Variants in VTI1A observed in about 807,000 individuals in gnomAD.
VTI1A encodes vesicle transport through interaction with t-SNAREs homolog 1A.
A neutral mutation model predicts 34.9 loss-of-function variants in VTI1A; 22 were observed. The ratio of observed to expected loss-of-function variants is 0.63; its 90% CI spans 0.45 to 0.90. The LOEUF (loss-of-function observed/expected upper bound fraction) is 0.90, where lower values mean the gene tolerates loss of function less well. Ranked by LOEUF, VTI1A falls within the 40% of genes least tolerant of loss-of-function variation. The pLI is 0.00. For missense variants in VTI1A, 268 were observed against 275.6 expected (o/e 0.97, Z 0.20); for synonymous variants, 87 against 97.3 (o/e 0.89, Z 0.62).
intron 2 of VTI1A, 143 bp from the exon 3 acceptor site, chr10:112,464,404 G>A (rs1847829733): frequency 1.5e-6 from 1 of 658,612 alleles, no homozygotes; most frequent in Non-Finnish European, 2.6e-6. Flanking sequence ...AGTAGTTTCA[G>A]TGTTATTTGA....
the VTI1A span, among the ~76,000 whole-genome samples, chr10:112,845,336 A>G: frequency 0.036 from 5,481 of 152,274 alleles, 186 homozygotes; most frequent in African/African-American, 0.091. Flanking sequence ...TGGGGGCAGC[A>G]CATTCTCCCA....
intron 3 of VTI1A, among the ~76,000 whole-genome samples, chr10:112,523,516 CTT>C (rs1156785029): frequency 2.6e-5 from 4 of 151,978 alleles, no homozygotes; most frequent in African/African-American, 9.7e-5. Flanking sequence ...AAGAAGTAAA[CTT>C]TACACAAACA....
chr10:112,612,225 T>C (rs921771169), intron 5 of VTI1A, among the ~76,000 whole-genome samples: 1 of 152,172 alleles, frequency 6.6e-6, no homozygotes, highest in Non-Finnish European at 1.5e-5. Context: ...TCTGGTCAGA[T>C]AGTGATTTGT....
intron 5 of VTI1A, among the ~76,000 whole-genome samples, chr10:112,561,931 A>G (rs928050735): frequency 6.6e-6 from 1 of 152,198 alleles, no homozygotes; most frequent in Non-Finnish European, 1.5e-5. Context: ...TCACTCCCCC[A>G]AAATTAAAAA....
intron 3 of VTI1A, among the ~76,000 whole-genome samples, chr10:112,468,596 C>G (rs1418213831): frequency 6.6e-6 from 1 of 152,126 alleles, no homozygotes; most frequent in African/African-American, 2.4e-5. Flanking sequence ...ACTCGTTTGT[C>G]CACTTGCTTT....
intron 7 of VTI1A, among the ~76,000 whole-genome samples, chr10:112,811,712 A>AAAAAAAACAT (rs67154330): frequency 1.2e-5 from 1 of 84,066 alleles, no homozygotes; most frequent in Admixed American, 1.4e-4. Flanking sequence ...AAAAAAAAAA[A>AAAAAAAACAT]GAGTGCAGTC....
chr10:112,838,912 T>C, the VTI1A span, among the ~76,000 whole-genome samples: 1 of 152,212 alleles, frequency 6.6e-6, no homozygotes, highest in African/African-American at 2.4e-5. Context: ...TTTGCAGGGT[T>C]GCCATCACCA....
the VTI1A span, among the ~76,000 whole-genome samples, chr10:112,839,355 TG>T: frequency 1.3e-5 from 2 of 152,142 alleles, no homozygotes; most frequent in Non-Finnish European, 2.9e-5. Context: ...GCTGCTGAGC[TG>T]GAGGAGGTGA....
intron 7 of VTI1A, among the ~76,000 whole-genome samples, chr10:112,724,472 C>G (rs1254723937): frequency 2.0e-5 from 3 of 151,998 alleles, no homozygotes; most frequent in Non-Finnish European, 4.4e-5. Context: ...CTTGCCTCTT[C>G]CAGGGTAGAT....
At chr10:112,634,696 T>C (rs1457508247) in intron 5 of VTI1A, among the ~76,000 whole-genome samples, 1 of 152,200 alleles carries the variant, frequency 6.6e-6, no homozygotes, top group Non-Finnish European at 1.5e-5. Flanking sequence ...TTAGACAAGC[T>C]GTTTAAAAAT....
intron 7 of VTI1A, among the ~76,000 whole-genome samples, chr10:112,810,401 C>T (rs75197666): frequency 1.2e-4 from 11 of 89,408 alleles, no homozygotes; most frequent in Admixed American, 1.1e-3. Flanking sequence ...GACTCCATCT[C>T]AAAAAAAAAA....
intron 3 of VTI1A, among the ~76,000 whole-genome samples, chr10:112,488,038 C>T (rs1412971807): frequency 1.3e-5 from 2 of 152,098 alleles, no homozygotes; most frequent in African/African-American, 4.8e-5. Context: ...CTTATTGGGT[C>T]ACATTTCATC....
At chr10:112,452,384 A>G (rs1054548129) in intron 1 of VTI1A, among the ~76,000 whole-genome samples, 5 of 152,158 alleles carry the variant, frequency 3.3e-5, no homozygotes, top group African/African-American at 9.7e-5. Context: ...CCTGGCCAAC[A>G]TGGAGAAACC....
chr10:112,815,137 G>A (rs1004259809), intron 7 of VTI1A, among the ~76,000 whole-genome samples, 153 bp from the exon 8 acceptor site: 16 of 77,552 alleles, frequency 2.1e-4, no homozygotes, highest in South Asian at 5.1e-4. Flanking sequence ...TCTTTCGCGC[G>A]CGCACACACA....
chr10:112,660,123 CAG>C (rs1435583081), intron 5 of VTI1A, among the ~76,000 whole-genome samples: 18 of 152,128 alleles, frequency 1.2e-4, no homozygotes, highest in Admixed American at 4.6e-4. Context: ...GTTTTTGAGA[CAG>C]AGTCTCGCTC....
the VTI1A span, among the ~76,000 whole-genome samples, chr10:112,839,338 A>C: frequency 2.6e-5 from 4 of 152,124 alleles, no homozygotes; most frequent in African/African-American, 9.7e-5. Context: ...CCCGGCCTGC[A>C]GGGGCAGCTG....
chr10:112,535,978 CTGT>C (rs1850602559), intron 4 of VTI1A, among the ~76,000 whole-genome samples: 1 of 152,178 alleles, frequency 6.6e-6, no homozygotes, highest in African/African-American at 2.4e-5. Flanking sequence ...TAAAATTGAA[CTGT>C]TCTGAAGAAG....
chr10:112,655,294 A>G (rs377392492), intron 5 of VTI1A, among the ~76,000 whole-genome samples: 2 of 152,348 alleles, frequency 1.3e-5, no homozygotes, highest in East Asian at 1.9e-4. Context: ...TCAAGTAGGT[A>G]TATCAAGAGC....
At chr10:112,626,760 C>G (rs1845939379) in intron 5 of VTI1A, among the ~76,000 whole-genome samples, 1 of 152,118 alleles carries the variant, frequency 6.6e-6, no homozygotes, top group Admixed American at 6.5e-5. Flanking sequence ...TTGGGGATGA[C>G]TTTGTTTTCA....
Sources: allele counts gnomAD v4.1 joint callset (sites outside exome capture counted in the v4.1 genomes callset), GRCh38; gene constraint gnomAD v4.1.1; transcripts MANE v1.5; gene names NCBI Gene and HGNC (gene_info 2026-07-23, HGNC 2026-07-21).